The following LY86 variants were observed in gnomAD, a reference collection of about 807,000 sequenced individuals.
The protein encoded by LY86 is lymphocyte antigen 86.
A neutral mutation model predicts 17.3 loss-of-function variants in LY86; 20 were observed. The ratio of observed to expected loss-of-function variants is 1.15; its 90% confidence interval spans 0.81 to 1.68. The LOEUF (loss-of-function observed/expected upper bound fraction) is 1.68. Ranked by LOEUF, LY86 falls within the 40% of genes most tolerant of loss-of-function variation. LY86 has a pLI of 0.00. For synonymous variants in LY86, 74 were observed against 70.6 expected (o/e 1.05, Z -0.24); for missense variants, 200 against 191.9 (o/e 1.04, Z -0.25).
Position 6,624,374 on chromosome 6 carries a change from A to AATGGGATGGG in LY86, c.137-526_137-517dup, listed in dbSNP as rs141299295. ...ATTTGGAGGAGGAAGCATTACATTA[A>AATGGGATGGG]ATGGGATGGGATGGGATGGGATGGG... On this transcript the variant is annotated intron_variant, in intron 1 of 4. Coordinates refer to ENST00000230568, the MANE Select transcript of LY86 (RefSeq NM_004271.4). 1.7e-4 allele frequency among the ~76,000 whole-genome samples: 17 copies of AATGGGATGGG among 101,816 alleles called. 1 individual carries two copies. Among genetic ancestry groups the AATGGGATGGG allele is most frequent in the African/African-American group, 4.4e-4 (10 of 22,602 alleles). The allele number at this position is 101,816 out of a possible 152,430, so 66.8% of individuals were successfully genotyped here. A position where few individuals can be genotyped will look rare whatever the true frequency, so the allele number is the denominator to read the frequency against.
intron 3 of LY86, among the ~76,000 whole-genome samples, chr6:6,645,938 A>G (rs1363969164): frequency 2.6e-5 from 4 of 152,104 alleles, no homozygotes; most frequent in Non-Finnish European, 4.4e-5. Context: ...CTCTTGCCAG[A>G]ACAGATTGGG....
intron 1 of LY86, among the ~76,000 whole-genome samples, chr6:6,613,898 C>T (rs1761477374): frequency 1.3e-5 from 2 of 152,206 alleles, no homozygotes; most frequent in South Asian, 4.1e-4. Context: ...GTGTAAAGAG[C>T]GAAGCAAGGT....
intron 1 of LY86, among the ~76,000 whole-genome samples, chr6:6,608,610 T>A (rs886700546): frequency 1.1e-4 from 16 of 152,266 alleles, no homozygotes; most frequent in Admixed American, 1.0e-3. Context: ...GCTCTAGTTG[T>A]ATCAGTTTTG....
intron 1 of LY86, among the ~76,000 whole-genome samples, chr6:6,606,545 T>TA (rs1211309480): frequency 9.9e-5 from 15 of 151,974 alleles, no homozygotes; most frequent in Non-Finnish European, 1.9e-4. Context: ...CGGGGAGGCT[T>TA]GGGCGGCACA....
chr6:6,623,207 G>C (rs1200216518), intron 1 of LY86, among the ~76,000 whole-genome samples: 1 of 152,222 alleles, frequency 6.6e-6, no homozygotes, highest in African/African-American at 2.4e-5. Flanking sequence ...ACCCCTGAAG[G>C]CTGGGAGAGC....
intron 3 of LY86, among the ~76,000 whole-genome samples, chr6:6,633,892 T>TTGTGTGTG (rs3840175): frequency 1.3e-5 from 2 of 151,686 alleles, no homozygotes; most frequent in African/African-American, 2.4e-5. Flanking sequence ...GTTAAATAAA[T>TTGTGTGTG]TGTGTGTGTG....
At chr6:6,593,740 C>A (rs562045966) in intron 1 of LY86, among the ~76,000 whole-genome samples, 1 of 152,130 alleles carries the variant, frequency 6.6e-6, no homozygotes, top group South Asian at 2.1e-4. Flanking sequence ...TAGGGATGAG[C>A]GATGAGGGGA....
chr6:6,632,904 T>C (rs1295332206), intron 3 of LY86, among the ~76,000 whole-genome samples: 1 of 152,166 alleles, frequency 6.6e-6, no homozygotes, highest in South Asian at 2.1e-4. Context: ...TTGTCAGCAC[T>C]CACCAGCACC....
chr6:6,608,056 A>T (rs921574072), intron 1 of LY86, among the ~76,000 whole-genome samples: 1 of 152,254 alleles, frequency 6.6e-6, no homozygotes, highest in Non-Finnish European at 1.5e-5. Flanking sequence ...TCTACAGTGA[A>T]CAATACATTT....
chr6:6,601,797 A>G (rs1184021247), intron 1 of LY86, among the ~76,000 whole-genome samples: 1 of 152,184 alleles, frequency 6.6e-6, no homozygotes, highest in Non-Finnish European at 1.5e-5. Flanking sequence ...AAAGAGGGAA[A>G]CTGCTGTTTC....
At chr6:6,592,847 G>GC (rs1290969060) in intron 1 of LY86, among the ~76,000 whole-genome samples, 1 of 152,134 alleles carries the variant, frequency 6.6e-6, no homozygotes, top group Non-Finnish European at 1.5e-5. Context: ...GGCTGTTTAA[G>GC]CCCCCCAGTC....
At chr6:6,649,491 AAACAT>A in intron 3 of LY86, 129 bp from the exon 4 acceptor site, 3 of 471,352 alleles carry the variant, frequency 6.4e-6, no homozygotes, top group African/African-American at 2.1e-5. Context: ...CAGGAAATGA[AAACAT>A]TTCTAGCAAT....
chr6:6,646,213 C>T (rs1418614589), intron 3 of LY86, among the ~76,000 whole-genome samples: 1 of 152,138 alleles, frequency 6.6e-6, no homozygotes, highest in Non-Finnish European at 1.5e-5. Context: ...ACAGTGCCTA[C>T]ATGTACTGCT....
intron 1 of LY86, among the ~76,000 whole-genome samples, chr6:6,612,717 G>C (rs1244250371): frequency 6.6e-6 from 1 of 152,150 alleles, no homozygotes; most frequent in African/African-American, 2.4e-5. Flanking sequence ...TACAATCCCT[G>C]AGCTAGATGC....
At chr6:6,645,729 C>T (rs1027231168) in intron 3 of LY86, among the ~76,000 whole-genome samples, 16 of 151,720 alleles carry the variant, frequency 1.1e-4, no homozygotes, top group African/African-American at 3.9e-4. Context: ...GTGTCCAAAC[C>T]CTGATAGCCA....
chr6:6,606,674 G>A (rs1445340240), intron 1 of LY86, among the ~76,000 whole-genome samples: 1 of 152,224 alleles, frequency 6.6e-6, no homozygotes, highest in African/African-American at 2.4e-5. Flanking sequence ...TGGCCCAGGT[G>A]CTAAGCCCCT....
chr6:6,607,125 A>AG (rs1288559023), intron 1 of LY86, among the ~76,000 whole-genome samples: 18 of 152,258 alleles, frequency 1.2e-4, no homozygotes, highest in Non-Finnish European at 1.8e-4. Flanking sequence ...CACACAGAGG[A>AG]GGGGCTGGTG....
intron 3 of LY86, among the ~76,000 whole-genome samples, chr6:6,644,344 T>TGAAA (rs1298256966): frequency 2.0e-5 from 3 of 152,008 alleles, no homozygotes; most frequent in Non-Finnish European, 4.4e-5. Context: ...GACAACATGG[T>TGAAA]GAAACTCCAT....
intron 1 of LY86, among the ~76,000 whole-genome samples, chr6:6,603,962 T>C (rs748838969): frequency 3.9e-5 from 6 of 152,144 alleles, no homozygotes; most frequent in African/African-American, 7.2e-5. Flanking sequence ...CTTGGGAAAC[T>C]AAGTCTTCCA....
Sources: allele counts gnomAD v4.1 joint callset (sites outside exome capture counted in the v4.1 genomes callset), GRCh38; gene constraint gnomAD v4.1.1; transcripts MANE v1.5; gene names NCBI Gene and HGNC (gene_info 2026-07-23, HGNC 2026-07-21).